TENM3: variants seen among roughly 807,000 people sequenced by gnomAD.
TENM3 encodes the protein teneurin transmembrane protein 3, also known as teneurin-3.
A neutral mutation model predicts 255.1 loss-of-function variants in TENM3; 63 were observed. That is an observed-to-expected ratio of 0.25 (90% CI 0.20 to 0.30). The LOEUF is 0.30. Ranked by LOEUF, TENM3 falls within the 10% of genes least tolerant of loss-of-function variation. The pLI is 1.00. For missense variants in TENM3, 2,929 were observed against 3,461.1 expected (o/e 0.85, Z 3.86); for synonymous variants, 1,306 against 1,322.3 (o/e 0.99, Z 0.27).
At chr4:182,351,859 C>T (rs1193864935) in intron 3 of TENM3, among the ~76,000 whole-genome samples, 3 of 152,122 alleles carry the variant, frequency 2.0e-5, no homozygotes, top group African/African-American at 7.2e-5. Flanking sequence ...GGGCTCTAGT[C>T]CTATGAGGTC....
the TENM3 span, among the ~76,000 whole-genome samples, chr4:181,610,181 C>T: frequency 0.019 from 2,859 of 152,196 alleles, 37 homozygotes; most frequent in East Asian, 0.038. Context: ...AATGGAGTCC[C>T]CTTTTTGACT....
At chr4:181,862,829 A>G in the TENM3 span, among the ~76,000 whole-genome samples, 3 of 152,156 alleles carry the variant, frequency 2.0e-5, no homozygotes, top group Admixed American at 2.0e-4. Context: ...AAAACATATG[A>G]AACATGAAAG....
At chr4:181,551,035 A>T in the TENM3 span, among the ~76,000 whole-genome samples, 8 of 152,230 alleles carry the variant, frequency 5.3e-5, no homozygotes, top group Non-Finnish European at 1.2e-4. Context: ...ATATTGATAA[A>T]GTGAAGCACC....
chr4:182,685,206 T>C (rs1269226144), intron 11 of TENM3, among the ~76,000 whole-genome samples: 1 of 152,090 alleles, frequency 6.6e-6, no homozygotes, highest in African/African-American at 2.4e-5. Flanking sequence ...CTCTCTTATC[T>C]CTCCTTCCTT....
At chr4:182,780,195 C>T (rs1341932959) in intron 24 of TENM3, among the ~76,000 whole-genome samples, 6 of 151,674 alleles carry the variant, frequency 4.0e-5, no homozygotes, top group African/African-American at 7.3e-5. Context: ...TTAGGTCTAA[C>T]GTTTAAGTCT....
At chr4:182,181,924 T>A (rs2149742951) in intron 1 of TENM3, among the ~76,000 whole-genome samples, 1 of 152,252 alleles carries the variant, frequency 6.6e-6, no homozygotes, top group East Asian at 1.9e-4. Flanking sequence ...TTTAGTTTTG[T>A]TTTTGAAAAA....
At chr4:181,764,348 A>G in the TENM3 span, among the ~76,000 whole-genome samples, 1 of 152,044 alleles carries the variant, frequency 6.6e-6, no homozygotes, top group Non-Finnish European at 1.5e-5. Flanking sequence ...ACCTGCTTCC[A>G]CTCCACTGCA....
chr4:182,487,212 G>C (rs2151555923), intron 3 of TENM3, among the ~76,000 whole-genome samples: 1 of 152,250 alleles, frequency 6.6e-6, no homozygotes, highest in African/African-American at 2.4e-5. Context: ...AACTAGTGTT[G>C]TAATATAGTT....
the TENM3 span, among the ~76,000 whole-genome samples, chr4:182,100,826 T>C: frequency 5.4e-4 from 4 of 7,426 alleles, no homozygotes; most frequent in South Asian, 0.014. Context: ...TATACACATA[T>C]ATATATATAT....
chr4:182,560,475 C>T (rs1560924102), intron 3 of TENM3, among the ~76,000 whole-genome samples: 1 of 152,130 alleles, frequency 6.6e-6, no homozygotes. Context: ...CCCAGTAATG[C>T]CAGCAGAAGC....
chr4:181,972,022 GTTT>G, the TENM3 span, among the ~76,000 whole-genome samples: 1 of 148,960 alleles, frequency 6.7e-6, no homozygotes, highest in African/African-American at 2.5e-5. Flanking sequence ...AACTGCATCA[GTTT>G]TTTTTTTTTC....
At chr4:181,468,503 T>C in the TENM3 span, among the ~76,000 whole-genome samples, 2 of 152,212 alleles carry the variant, frequency 1.3e-5, no homozygotes, top group Non-Finnish European at 2.9e-5. Context: ...TTCCAGTCAA[T>C]TGAAGCCACA....
chr4:181,862,436 T>C, the TENM3 span, among the ~76,000 whole-genome samples: 1 of 152,118 alleles, frequency 6.6e-6, no homozygotes, highest in Non-Finnish European at 1.5e-5. Context: ...TCCCTTTCCA[T>C]CTCTTTTTAT....
chr4:182,703,906 C>T (rs952983853), intron 12 of TENM3, among the ~76,000 whole-genome samples: 2 of 152,184 alleles, frequency 1.3e-5, no homozygotes, highest in East Asian at 3.9e-4. Flanking sequence ...ATTGTTCTGG[C>T]TTCCTGTGAT....
chr4:181,902,624 G>C, the TENM3 span, among the ~76,000 whole-genome samples: 1 of 152,108 alleles, frequency 6.6e-6, no homozygotes, highest in South Asian at 2.1e-4. Context: ...CCTTTGCAGG[G>C]ACATGGATGA....
chr4:182,474,638 C>CT (rs2151474815), intron 3 of TENM3, among the ~76,000 whole-genome samples: 1 of 152,234 alleles, frequency 6.6e-6, no homozygotes, highest in African/African-American at 2.4e-5. Context: ...GTTTAAAAGA[C>CT]CTGTTAAACT....
intron 1 of TENM3, among the ~76,000 whole-genome samples, chr4:182,237,361 A>C (rs1413626624): frequency 7.6e-6 from 1 of 131,290 alleles, no homozygotes; most frequent in Non-Finnish European, 1.6e-5. Context: ...CTTTAAACCC[A>C]GACATTCTGT....
chr4:181,546,843 T>G, the TENM3 span, among the ~76,000 whole-genome samples: 1 of 148,706 alleles, frequency 6.7e-6, no homozygotes, highest in Non-Finnish European at 1.5e-5. Context: ...TAGAGCTTCT[T>G]TTTTTGTTTT....
the TENM3 span, among the ~76,000 whole-genome samples, chr4:181,688,147 A>G: frequency 1.3e-5 from 2 of 152,154 alleles, no homozygotes; most frequent in African/African-American, 2.4e-5. Flanking sequence ...TTGGACAAAT[A>G]AATTCCATAG....
Sources: allele counts gnomAD v4.1 joint callset (sites outside exome capture counted in the v4.1 genomes callset), GRCh38; gene constraint gnomAD v4.1.1; transcripts MANE v1.5; gene names NCBI Gene and HGNC (gene_info 2026-07-23, HGNC 2026-07-21).